TXNRD2: variants seen among roughly 807,000 people sequenced by gnomAD.
TXNRD2 encodes the protein thioredoxin reductase 2, mitochondrial.
TXNRD2 carries 67 observed loss-of-function variants against 70.8 expected under a neutral mutation model. The observed-to-expected ratio is 0.95, with a 90% CI of 0.78 to 1.16. The LOEUF (loss-of-function observed/expected upper bound fraction) is 1.16. TXNRD2 is among the 50% of genes most tolerant of loss of function. The pLI, the probability that TXNRD2 is intolerant of heterozygous loss-of-function variation, is 0.00. For missense variants in TXNRD2, 644 were observed against 719.9 expected (o/e 0.89, Z 1.21); for synonymous variants, 301 against 295.8 (o/e 1.02, Z -0.18).
At chr22:19,888,741 T>C (rs1485386824) in intron 11 of TXNRD2, among the ~76,000 whole-genome samples, 1 of 152,180 alleles carries the variant, frequency 6.6e-6, no homozygotes, top group Non-Finnish European at 1.5e-5. Context: ...ATGAGGCATG[T>C]GGCCCCCAGA....
chr22:19,908,503 C>A (rs1940174043), intron 8 of TXNRD2, among the ~76,000 whole-genome samples: 1 of 152,098 alleles, frequency 6.6e-6, no homozygotes, highest in African/African-American at 2.4e-5. Context: ...ACAACATGCA[C>A]TGGCGAGGAT....
At chr22:19,889,627 AATT>A (rs71186634) in intron 11 of TXNRD2, among the ~76,000 whole-genome samples, 26,950 of 150,304 alleles carry the variant, frequency 0.18, 2,470 homozygotes, top group East Asian at 0.2. Context: ...AACAAAAAAC[AATT>A]ATTATTATTA....
intron 17 of TXNRD2, chr22:19,876,093 G>A (rs879273890): frequency 4.6e-5 from 7 of 152,348 alleles, no homozygotes; most frequent in African/African-American, 1.4e-4. Context: ...TCCCTATCGA[G>A]CGCGGCCCCG....
At chr22:19,883,580 G>A (rs961504798) in intron 11 of TXNRD2, 119 bp from the exon 12 acceptor site, 10 of 1,426,692 alleles carry the variant, frequency 7.0e-6, no homozygotes, top group Non-Finnish European at 9.8e-6. Context: ...GCTCCTGCCT[G>A]TAATCCCAGC....
At chr22:19,891,717 G>A (rs1939270668) in intron 11 of TXNRD2, 1 of 152,266 alleles carries the variant, frequency 6.6e-6, no homozygotes, top group African/African-American at 2.4e-5. Flanking sequence ...TCTGCAGACA[G>A]GAAATCCTCC....
Position 19,915,795 on chromosome 22 carries a change from C to G in TXNRD2, c.498G>C (p.Thr166=), listed in dbSNP as rs748103066. The G allele has an allele frequency of 1.9e-6, 3 of 1,614,240 alleles. No homozygotes were observed. Among genetic ancestry groups the G allele is most frequent in the South Asian group, 1.1e-5 (1 of 91,086 alleles). The change falls in exon 6 of 18, where the codon ACG becomes ACC. Residue 166 remains threonine (T), a synonymous_variant. Coordinates refer to ENST00000400521, the MANE Select transcript of TXNRD2 (RefSeq NM_006440.5). ...TCCCACCTTTGGCAACGCCGCAAAC[C>G]GTGTGCTCGTCAACAAAGCTGGCTT... is the stretch of plus-strand genomic sequence containing the variant. ...NIKASFVDEH[T]VCGVAKGGKE... is the part of the protein sequence containing the mutation.
chr22:19,876,539 C>T (rs1300020371), intron 17 of TXNRD2: 3 of 152,450 alleles, frequency 2.0e-5, no homozygotes, highest in Non-Finnish European at 4.4e-5. Flanking sequence ...GGAACAGAAC[C>T]AGATGTGCAG....
At chr22:19,897,310 G>A (rs1050058698) in intron 10 of TXNRD2, among the ~76,000 whole-genome samples, 3 of 152,166 alleles carry the variant, frequency 2.0e-5, no homozygotes, top group Non-Finnish European at 2.9e-5. Flanking sequence ...CCGAGGACCT[G>A]TAGCAGGGCC....
chr22:19,876,368 C>T (rs1444160488), intron 17 of TXNRD2: 1 of 152,384 alleles, frequency 6.6e-6, no homozygotes, highest in East Asian at 1.9e-4. Context: ...GGCCCCTGCC[C>T]TGCAGCCCAG....
At chr22:19,920,663 C>T (rs1940867573) in intron 2 of TXNRD2, among the ~76,000 whole-genome samples, 1 of 152,254 alleles carries the variant, frequency 6.6e-6, no homozygotes, top group Non-Finnish European at 1.5e-5. Context: ...TTGGGCACTG[C>T]ATCAGCAAAC....
intron 8 of TXNRD2, among the ~76,000 whole-genome samples, chr22:19,906,986 G>A (rs1940055103): frequency 1.1e-5 from 1 of 89,222 alleles, no homozygotes. Flanking sequence ...GGCACCGTGG[G>A]TAGCAGTGAC....
chr22:19,897,383 A>T (rs1235497607), intron 10 of TXNRD2, among the ~76,000 whole-genome samples: 1 of 152,184 alleles, frequency 6.6e-6, no homozygotes, highest in African/African-American at 2.4e-5. Context: ...AGTGTTTGAC[A>T]TCTCCACAAT....
At chr22:19,935,051 T>C (rs538439441) in intron 1 of TXNRD2, among the ~76,000 whole-genome samples, 1 of 152,286 alleles carries the variant, frequency 6.6e-6, no homozygotes, top group East Asian at 1.9e-4. Context: ...ATAACAGTGA[T>C]TTTTAGGGAA....
intron 1 of TXNRD2, among the ~76,000 whole-genome samples, chr22:19,931,551 A>G (rs1941360611): frequency 6.6e-6 from 1 of 152,148 alleles, no homozygotes; most frequent in Admixed American, 6.5e-5. Flanking sequence ...CCCCCACGAC[A>G]GGGGCACAGT....
At chr22:19,905,233 CT>C (rs1193397174) in intron 8 of TXNRD2, among the ~76,000 whole-genome samples, 1 of 152,214 alleles carries the variant, frequency 6.6e-6, no homozygotes, top group African/African-American at 2.4e-5. Context: ...ATAAATCATG[CT>C]CAGAATGAAA....
At chr22:19,897,392 A>T (rs931000675) in intron 10 of TXNRD2, among the ~76,000 whole-genome samples, 7 of 152,154 alleles carry the variant, frequency 4.6e-5, no homozygotes, top group African/African-American at 1.7e-4. Flanking sequence ...CATCTCCACA[A>T]TGACAACTCC....
chr22:19,880,347 A>G, intron 13 of TXNRD2, 76 bp from the exon 14 acceptor site: 1 of 1,451,536 alleles, frequency 6.9e-7, no homozygotes, highest in African/African-American at 1.4e-5. Context: ...TGACACAAAG[A>G]GCAGCGATCA....
chr22:19,903,528 T>G (rs1259661671), intron 8 of TXNRD2, among the ~76,000 whole-genome samples: 1 of 152,140 alleles, frequency 6.6e-6, no homozygotes, highest in Admixed American at 6.5e-5. Context: ...CAAGGCACAC[T>G]GGCGGGGCCC....
At chr22:19,912,923 T>A (rs907652527) in intron 7 of TXNRD2, among the ~76,000 whole-genome samples, 3 of 152,220 alleles carry the variant, frequency 2.0e-5, no homozygotes, top group Non-Finnish European at 4.4e-5. Flanking sequence ...TCCACCGGAC[T>A]GCCCCTGGGT....
Sources: allele counts gnomAD v4.1 joint callset (sites outside exome capture counted in the v4.1 genomes callset), GRCh38; gene constraint gnomAD v4.1.1; transcripts MANE v1.5; gene names NCBI Gene and HGNC (gene_info 2026-07-23, HGNC 2026-07-21).